Variants in ARID5B observed in about 807,000 individuals in gnomAD.
The protein encoded by ARID5B is AT-rich interactive domain-containing protein 5B.
In ARID5B, 13 loss-of-function variants were observed where a neutral mutation model predicts 97.2. That is an observed-to-expected ratio of 0.13 (90% CI 0.09 to 0.21). ARID5B has a LOEUF of 0.21. ARID5B is among the 10% of genes least tolerant of loss of function. The probability of loss-of-function intolerance (pLI) is 1.00; values close to 1 mark genes in which losing one functional copy is unlikely to be tolerated. For synonymous variants in ARID5B, 556 were observed against 570.3 expected, an observed-to-expected ratio of 0.97 and a Z score of 0.36; for missense variants, 1,210 against 1,465.3, an observed-to-expected ratio of 0.83 and a Z score of 2.84.
At chr10:62,052,311 G>A (rs527238937) in intron 5 of ARID5B, among the ~76,000 whole-genome samples, 3 of 152,270 alleles carry the variant, frequency 2.0e-5, no homozygotes, top group African/African-American at 7.2e-5. Context: ...CTAGGACTTT[G>A]GTTTCCATCG....
intron 3 of ARID5B, among the ~76,000 whole-genome samples, chr10:61,947,361 T>C (rs1228732799): frequency 6.6e-6 from 1 of 150,828 alleles, no homozygotes; most frequent in Non-Finnish European, 1.5e-5. Flanking sequence ...GTCTGCTTCC[T>C]GGGTTCAAGC....
At chr10:62,075,823 T>C (rs1006247022) in intron 8 of ARID5B, among the ~76,000 whole-genome samples, 1 of 152,202 alleles carries the variant, frequency 6.6e-6, no homozygotes, top group Non-Finnish European at 1.5e-5. Flanking sequence ...TAAGATTACA[T>C]TTGGAATGGG....
chr10:61,952,178 G>A (rs1001865241), intron 3 of ARID5B, among the ~76,000 whole-genome samples: 5 of 152,060 alleles, frequency 3.3e-5, no homozygotes, highest in African/African-American at 1.2e-4. Flanking sequence ...TTAACCACAT[G>A]TACTCAGTCC....
At chr10:61,949,910 T>C (rs554206606) in intron 3 of ARID5B, among the ~76,000 whole-genome samples, 3 of 152,332 alleles carry the variant, frequency 2.0e-5, no homozygotes, top group Admixed American at 1.3e-4. Context: ...AAATTTTCAT[T>C]ATCACTGATA....
chr10:62,039,145 A>G (rs141083181), intron 4 of ARID5B, among the ~76,000 whole-genome samples: 3 of 152,354 alleles, frequency 2.0e-5, no homozygotes, highest in East Asian at 1.9e-4. Flanking sequence ...TATGCATACC[A>G]TGTGCTATAA....
rs189592190 is a variant in ARID5B at position 61,933,777 on chromosome 10, G to C, written c.277-6406G>C. Among the ~76,000 whole-genome samples, 313 of 152,306 alleles carry C rather than the reference G, an allele frequency of 2.1e-3. 2 individuals are homozygous for C. Among genetic ancestry groups the C allele is most frequent in the African/African-American group, 7.3e-3 (302 of 41,562 alleles). ...TTTTTTCATTTATAGAGCACAGAGA[G>C]CATAGATTTAGCATAATCCTGAAAG... On this transcript the variant is annotated intron_variant, in intron 2 of 9. Coordinates refer to ENST00000279873, the MANE Select transcript of ARID5B (RefSeq NM_032199.3).
rs115494658 is a variant in ARID5B at position 61,992,143 on chromosome 10, A to G, written c.503-7948A>G. On this transcript the variant is annotated intron_variant, in intron 3 of 9. Coordinates refer to ENST00000279873, the MANE Select transcript of ARID5B (RefSeq NM_032199.3). The stretch of plus-strand genomic sequence containing the variant: ...GAATAACACCTCATATGTGGTAACA[A>G]CTTTACCTACATGTCAATCTGGCCA... 3.4e-3 allele frequency among the ~76,000 whole-genome samples: 513 copies of G among 152,338 alleles called. 5 individuals are homozygous for G. The highest frequency in any genetic ancestry group is 0.012 in the African/African-American group (481 of 41,572).
intron 6 of ARID5B, among the ~76,000 whole-genome samples, chr10:62,058,726 A>T (rs1839886906): frequency 6.6e-6 from 1 of 152,174 alleles, no homozygotes; most frequent in African/African-American, 2.4e-5. Flanking sequence ...ACTGCCAGCC[A>T]CCACATGTTG....
intron 4 of ARID5B, among the ~76,000 whole-genome samples, chr10:62,033,156 G>T (rs915560142): frequency 1.3e-5 from 2 of 152,138 alleles, no homozygotes; most frequent in African/African-American, 4.8e-5. Flanking sequence ...AGATACAGGG[G>T]ATTCCAATGA....
intron 3 of ARID5B, among the ~76,000 whole-genome samples, chr10:61,943,468 A>G (rs1339245339): frequency 3.1e-5 from 3 of 97,438 alleles, no homozygotes; most frequent in African/African-American, 1.4e-4. Context: ...AGATTATTTG[A>G]GGCCCCCCCC....
chr10:61,983,368 G>A (rs1428460255), intron 3 of ARID5B, among the ~76,000 whole-genome samples: 1 of 152,172 alleles, frequency 6.6e-6, no homozygotes, highest in Non-Finnish European at 1.5e-5. Flanking sequence ...TAAATCGGAG[G>A]AGACAAACAT....
intron 2 of ARID5B, among the ~76,000 whole-genome samples, chr10:61,928,420 C>T (rs1844145408): frequency 6.6e-6 from 1 of 152,122 alleles, no homozygotes; most frequent in Admixed American, 6.6e-5. Context: ...CCCATCTCAG[C>T]CTCCTGAGTA....
At chr10:62,089,780 G>A (rs770662653) in intron 9 of ARID5B, among the ~76,000 whole-genome samples, 8 of 151,940 alleles carry the variant, frequency 5.3e-5, no homozygotes, top group South Asian at 2.1e-4. Context: ...TGCCTGCCTC[G>A]GCCTCCCTAA....
rs116203886 is a variant in ARID5B at position 62,002,127 on chromosome 10, A to G, written c.733+1806A>G. The stretch of plus-strand genomic sequence containing the variant: ...CAAAATTAGAGTTTCACAACGTAAT[A>G]TGAGGAAAAAAATGTTTTAACCTTT... On this transcript the variant is annotated intron_variant, in intron 4 of 9. Coordinates refer to ENST00000279873, the MANE Select transcript of ARID5B (RefSeq NM_032199.3). 4.9e-3 allele frequency among the ~76,000 whole-genome samples: 753 copies of G among 152,328 alleles called. 4 individuals carry two copies. Among genetic ancestry groups the G allele is most frequent in the African/African-American group, 0.017 (724 of 41,578 alleles).
intron 4 of ARID5B, among the ~76,000 whole-genome samples, chr10:62,023,671 TGATTTAA>T (rs1839383858): frequency 6.6e-6 from 1 of 152,156 alleles, no homozygotes; most frequent in Non-Finnish European, 1.5e-5. Context: ...GCTGCAACCT[TGATTTAA>T]AAGACAAGTA....
At chr10:61,906,000 C>T (rs1192907814) in intron 2 of ARID5B, among the ~76,000 whole-genome samples, 1 of 152,138 alleles carries the variant, frequency 6.6e-6, no homozygotes, top group Admixed American at 6.5e-5. Context: ...TTTGATTCTG[C>T]AGCTTGCTAT....
chr10:61,991,827 C>T (rs190689580), intron 3 of ARID5B, among the ~76,000 whole-genome samples: 39 of 152,102 alleles, frequency 2.6e-4, no homozygotes, highest in African/African-American at 9.4e-4. Flanking sequence ...GTCGGGAGTT[C>T]GAGACCAGCT....
chr10:62,051,162 C>T (rs1399453472), intron 5 of ARID5B, 162 bp downstream of exon 5: 1 of 710,540 alleles, frequency 1.4e-6, no homozygotes, highest in East Asian at 2.7e-5. Context: ...TTCCTGCCAC[C>T]TCCCTTCCCC....
chr10:61,919,052 CA>C (rs1491468240), intron 2 of ARID5B, among the ~76,000 whole-genome samples: 2 of 54,310 alleles, frequency 3.7e-5, no homozygotes, highest in South Asian at 7.0e-4. Flanking sequence ...CCCCCCCCCC[CA>C]AAAAAATAAA....
Sources: allele counts gnomAD v4.1 joint callset (sites outside exome capture counted in the v4.1 genomes callset), GRCh38; gene constraint gnomAD v4.1.1; transcripts MANE v1.5; gene names NCBI Gene and HGNC (gene_info 2026-07-23, HGNC 2026-07-21).